Variants in CSMD1 observed in about 807,000 individuals in gnomAD.
CSMD1 encodes CUB and sushi domain-containing protein 1.
A neutral mutation model predicts 417.5 loss-of-function variants in CSMD1; 213 were observed. The observed-to-expected ratio is 0.51, with a 90% CI of 0.46 to 0.57. CSMD1 has a LOEUF of 0.57. CSMD1 is among the 20% of genes least tolerant of loss of function. The pLI is 0.00. For missense variants in CSMD1, 6,923 were observed against 4,529.7 expected (o/e 1.53, Z -15.17); for synonymous variants, 2,862 against 1,736.8 (o/e 1.65, Z -16.11).
chr8:3,301,368 C>T (rs1280891295), intron 25 of CSMD1, among the ~76,000 whole-genome samples: 1 of 151,882 alleles, frequency 6.6e-6, no homozygotes, highest in Non-Finnish European at 1.5e-5. Flanking sequence ...AAATGAAGCT[C>T]ACAGAAGTGT....
chr8:3,959,308 G>T (rs1462520303), intron 5 of CSMD1, among the ~76,000 whole-genome samples: 1 of 152,114 alleles, frequency 6.6e-6, no homozygotes, highest in South Asian at 2.1e-4. Flanking sequence ...ATCAGCCTGG[G>T]CAACATGGCA....
chr8:4,796,895 G>T (rs985839076), intron 1 of CSMD1, among the ~76,000 whole-genome samples: 48 of 152,272 alleles, frequency 3.2e-4, no homozygotes, highest in Admixed American at 2.2e-3. Context: ...CAACTGAAAC[G>T]CTATGGACAC....
Position 3,717,600 on chromosome 8 carries a change from G to A in CSMD1, c.932-9109C>T, listed in dbSNP as rs545993830. Among the ~76,000 whole-genome samples the A allele has an allele frequency of 8.5e-5, 13 of 152,122 alleles. No individual in the cohort carries two copies. In the East Asian group the frequency reaches 2.1e-3, roughly 25 times the overall value. On this transcript the variant is annotated intron_variant, in intron 6 of 69. Transcript: ENST00000635120. ...AAATAATCAAGAAGAAAATGTAACT[G>A]TGTAAACCCATCACCACAGACAACC...
At chr8:4,699,594 C>A (rs1270964837) in intron 1 of CSMD1, among the ~76,000 whole-genome samples, 2 of 152,152 alleles carry the variant, frequency 1.3e-5, no homozygotes, top group East Asian at 1.9e-4. Flanking sequence ...AGAATATAAA[C>A]ATCAGAGCTC....
At chr8:4,117,454 G>T (rs979842732) in intron 3 of CSMD1, among the ~76,000 whole-genome samples, 8 of 152,120 alleles carry the variant, frequency 5.3e-5, no homozygotes, top group Admixed American at 5.2e-4. Context: ...CAATTTCAGG[G>T]TTATGATCGT....
chr8:3,245,262 A>G (rs1799800987), intron 26 of CSMD1, among the ~76,000 whole-genome samples: 1 of 152,170 alleles, frequency 6.6e-6, no homozygotes, highest in Non-Finnish European at 1.5e-5. Context: ...ATTCCAGGGC[A>G]CATCCTGCCA....
chr8:4,025,156 G>A (rs1381385199), intron 4 of CSMD1, among the ~76,000 whole-genome samples: 2 of 152,236 alleles, frequency 1.3e-5, no homozygotes, highest in Admixed American at 6.5e-5. Flanking sequence ...CCATGGATGT[G>A]AGCTCCTGTG....
intron 3 of CSMD1, among the ~76,000 whole-genome samples, chr8:4,150,525 T>C (rs999970029): frequency 3.9e-5 from 6 of 152,216 alleles, no homozygotes; most frequent in Non-Finnish European, 5.9e-5. Context: ...TTTCTCTTTC[T>C]GTTCTTCCAA....
intron 5 of CSMD1, among the ~76,000 whole-genome samples, chr8:3,909,059 G>GAGA (rs1210083737): frequency 2.6e-5 from 4 of 152,196 alleles, no homozygotes; most frequent in Non-Finnish European, 5.9e-5. Flanking sequence ...GGGAGCAGCT[G>GAGA]AGAAGGCCTT....
At chr8:4,278,831 T>G (rs1038736475) in intron 3 of CSMD1, among the ~76,000 whole-genome samples, 1 of 152,170 alleles carries the variant, frequency 6.6e-6, no homozygotes, top group Non-Finnish European at 1.5e-5. Flanking sequence ...GGAGTATTTA[T>G]AGGAAAAACA....
At chr8:4,699,575 T>C (rs914332978) in intron 1 of CSMD1, among the ~76,000 whole-genome samples, 38 of 152,132 alleles carry the variant, frequency 2.5e-4, no homozygotes, top group African/African-American at 9.2e-4. Context: ...CTTTCTAATT[T>C]AACCAATAAG....
chr8:3,707,165 A>C (rs1201040746), intron 7 of CSMD1, among the ~76,000 whole-genome samples: 1 of 152,200 alleles, frequency 6.6e-6, no homozygotes, highest in Admixed American at 6.5e-5. Context: ...ATTGTCAGGA[A>C]ATCCTAAAGT....
At chr8:4,482,166 G>T (rs372715614) in intron 2 of CSMD1, among the ~76,000 whole-genome samples, 1 of 152,092 alleles carries the variant, frequency 6.6e-6, no homozygotes, top group Admixed American at 6.6e-5. Flanking sequence ...TGTCATGGGG[G>T]TTTGCTGTAT....
intron 3 of CSMD1, among the ~76,000 whole-genome samples, chr8:4,288,264 C>G (rs1210004613): frequency 6.6e-6 from 1 of 152,108 alleles, no homozygotes; most frequent in Non-Finnish European, 1.5e-5. Context: ...CTGACATGCC[C>G]CCACTGGGAA....
At chr8:4,542,186 T>C (rs1391965718) in intron 2 of CSMD1, among the ~76,000 whole-genome samples, 1 of 152,134 alleles carries the variant, frequency 6.6e-6, no homozygotes, top group African/African-American at 2.4e-5. Flanking sequence ...TAAGTCTTCC[T>C]CAAACTTTCT....
At chr8:3,318,017 G>T (rs1365345130) in intron 23 of CSMD1, among the ~76,000 whole-genome samples, 1 of 152,136 alleles carries the variant, frequency 6.6e-6, no homozygotes, top group Non-Finnish European at 1.5e-5. Context: ...CCCCGGCTGG[G>T]CTCAAAACCC....
At chr8:3,780,499 C>A (rs1369965309) in intron 5 of CSMD1, among the ~76,000 whole-genome samples, 1 of 152,170 alleles carries the variant, frequency 6.6e-6, no homozygotes, top group African/African-American at 2.4e-5. Flanking sequence ...AGTAACCATT[C>A]CATCAAGTCA....
At chr8:3,236,497 A>G (rs1467927886) in intron 26 of CSMD1, among the ~76,000 whole-genome samples, 3 of 152,190 alleles carry the variant, frequency 2.0e-5, no homozygotes, top group Non-Finnish European at 4.4e-5. Context: ...TGGGTCTTTG[A>G]AACAAATTTC....
intron 12 of CSMD1, among the ~76,000 whole-genome samples, chr8:3,433,735 A>G (rs1206385114): frequency 6.6e-6 from 1 of 152,202 alleles, no homozygotes; most frequent in African/African-American, 2.4e-5. Context: ...ATCTGAAGTT[A>G]AATTCAGGCT....
Sources: gnomAD v4.1 joint callset for allele counts (sites outside exome capture counted in the v4.1 genomes callset) on GRCh38, gnomAD v4.1.1 for gene constraint, MANE v1.5 for transcripts, NCBI Gene and HGNC (gene_info 2026-07-23, HGNC 2026-07-21) for gene names.